The following HEXA variants were observed in gnomAD, a reference collection of about 807,000 sequenced individuals.
HEXA encodes the protein hexosaminidase subunit alpha, also known as beta-hexosaminidase subunit alpha.
In HEXA, 54 loss-of-function variants were observed where a neutral mutation model predicts 73.3. The ratio of observed to expected loss-of-function variants is 0.74; its 90% CI spans 0.59 to 0.92. The LOEUF is 0.92. Ranked by LOEUF, HEXA falls within the 40% of genes least tolerant of loss-of-function variation. The pLI is 0.00. For missense variants in HEXA, 649 were observed against 653.0 expected, an observed-to-expected ratio of 0.99 and a Z score of 0.07; for synonymous variants, 230 against 246.9, an observed-to-expected ratio of 0.93 and a Z score of 0.64.
At chr15:72,359,736 T>C (rs1464101760) in intron 1 of HEXA, 2 of 131,662 alleles carry the variant, frequency 1.5e-5, no homozygotes, top group Non-Finnish European at 3.3e-5. Context: ...TACATACTGG[T>C]TAAAAAAAAA....
At position 72,343,493 on chromosome 15, in the gene HEXA, G is replaced by A. The variant is rs1234162868; in HGVS notation, c.*584C>T. The A allele has an allele frequency of 6.5e-6, 1 of 153,512 alleles. No homozygotes were observed. Among genetic ancestry groups the A allele is most frequent in the Non-Finnish European group, 1.5e-5 (1 of 68,928 alleles). 9.5% of individuals were successfully genotyped at this position (153,512 alleles called of 1,614,324 possible). A position where few individuals can be genotyped will look rare whatever the true frequency, so the allele number is the denominator to read the frequency against. Reference sequence around the variant, plus strand: ...ATAATGGTTGTATAAAATTGAAGCAGCAAGAAACCCAAAGGAGAATAGCTC... The same window carrying A: ...ATAATGGTTGTATAAAATTGAAGCAACAAGAAACCCAAAGGAGAATAGCTC... On this transcript the variant is annotated 3_prime_UTR_variant, in exon 14 of 14. Transcript: ENST00000268097.
At chr15:72,353,045 A>G in intron 5 of HEXA, 23 bp downstream of exon 5, 1 of 1,383,240 alleles carries the variant, frequency 7.2e-7, no homozygotes, top group African/African-American at 1.4e-5. Context: ...TTAAGTGTGA[A>G]GAAGGCCTTA....
chr15:72,345,788 G>A (rs748106540), intron 12 of HEXA: 12 of 585,484 alleles, frequency 2.0e-5, no homozygotes, highest in Non-Finnish European at 3.6e-5. Context: ...TCAAAGATAT[G>A]GGAATAAGAA....
In HEXA at chr15:72,343,621, A is replaced by G. The variant is rs1364882211; in HGVS notation, c.*456T>C. On this transcript the variant is annotated 3_prime_UTR_variant, in exon 14 of 14. Coordinates refer to ENST00000268097, the MANE Select transcript of HEXA (RefSeq NM_000520.6). ...GTCCAGAACACCTCCAAGCCCCTAC[A>G]TCTTTTTCCATATACCAACGCCTTG... 1.4e-5 allele frequency: 3 copies of G among 217,268 alleles called. No individual in the cohort carries two copies. Among genetic ancestry groups the G allele is most frequent in the African/African-American group, 2.3e-5 (1 of 44,024 alleles). The allele number at this position is 217,268 out of a possible 1,614,324, so 13.5% of individuals were successfully genotyped here.
chr15:72,351,048 TGA>T (rs1346668647), intron 6 of HEXA, 83 bp downstream of exon 6: 1 of 890,916 alleles, frequency 1.1e-6, no homozygotes. Context: ...CTGGTTAGGA[TGA>T]GAGACCCTGT....
chr15:72,353,820 G>A (rs766211969), intron 3 of HEXA, 83 bp from the exon 4 acceptor site: 12 of 1,017,170 alleles, frequency 1.2e-5, no homozygotes, highest in Non-Finnish European at 1.6e-5. Flanking sequence ...CAATGTAGCA[G>A]AGCATAACAT....
intron 8 of HEXA, among the ~76,000 whole-genome samples, chr15:72,348,497 C>T (rs1355974903): frequency 6.6e-6 from 1 of 152,238 alleles, no homozygotes; most frequent in Non-Finnish European, 1.5e-5. Flanking sequence ...ACAAGCCTTG[C>T]TGTCTAACAC....
At chr15:72,372,585 T>C (rs992001444) in intron 1 of HEXA, among the ~76,000 whole-genome samples, 3 of 152,148 alleles carry the variant, frequency 2.0e-5, no homozygotes, top group Non-Finnish European at 4.4e-5. Context: ...ATCTAGTTCC[T>C]AAAATAAGTC....
Position 72,343,939 on chromosome 15 carries a change from G to GC in HEXA, c.*137dup, listed in dbSNP as rs1283854604. ...TTATTGAATGCGAGCGCCAGCACCG[G>GC]CCCCTTTCTCTCCAAGCACAGGGGC... On this transcript the variant is annotated 3_prime_UTR_variant, in exon 14 of 14. Coordinates refer to ENST00000268097, the MANE Select transcript of HEXA (RefSeq NM_000520.6). 4 of 719,646 alleles carry GC rather than the reference G, an allele frequency of 5.6e-6. No homozygotes were observed. In the East Asian group the frequency reaches 1.1e-4, roughly 19 times the overall value. 44.6% of individuals were successfully genotyped at this position (719,646 alleles called of 1,614,324 possible).
chr15:72,366,840 C>T (rs1293553340), intron 1 of HEXA, among the ~76,000 whole-genome samples: 1 of 152,200 alleles, frequency 6.6e-6, no homozygotes, highest in Non-Finnish European at 1.5e-5. Context: ...TCTAGTACTA[C>T]ATAGCTAACT....
rs957471664 is a variant in HEXA at position 72,343,754 on chromosome 15, G to T, written c.*323C>A. On this transcript the variant is annotated 3_prime_UTR_variant, in exon 14 of 14. Transcript: ENST00000268097. ...CATAGCTCACAGGCAAGGCAGAACA[G>T]CACAAAGGCTATAGGTTTCATTCCC... is the stretch of plus-strand genomic sequence containing the variant. The T allele has an allele frequency of 5.4e-6, 2 of 370,808 alleles. No individual in the cohort carries two copies. Among genetic ancestry groups the T allele is most frequent in the African/African-American group, 4.2e-5 (2 of 47,434 alleles). The allele number at this position is 370,808 out of a possible 1,614,324, so 23.0% of individuals were successfully genotyped here.
At chr15:72,346,071 G>T (rs2088608568) in intron 12 of HEXA, 164 bp downstream of exon 12, 1 of 656,556 alleles carries the variant, frequency 1.5e-6, no homozygotes, top group Non-Finnish European at 2.8e-6. Context: ...CATGTGGAGA[G>T]TGAATATTGC....
chr15:72,371,203 G>T (rs189171139), intron 1 of HEXA, among the ~76,000 whole-genome samples: 1 of 152,144 alleles, frequency 6.6e-6, no homozygotes. Context: ...AGAGCAGCAC[G>T]AGTTGGGATC....
Position 72,347,997 on chromosome 15 carries a change from C to T in HEXA, c.1073+51G>A, listed in dbSNP as rs545676277. 2.6e-4 allele frequency: 335 copies of T among 1,287,616 alleles called. No individual in the cohort carries two copies. Among genetic ancestry groups the T allele is most frequent in the Non-Finnish European group, 3.6e-4 (323 of 886,150 alleles). The allele number at this position is 1,287,616 out of a possible 1,614,324, so 79.8% of individuals were successfully genotyped here. A position where few individuals can be genotyped will look rare whatever the true frequency, so the allele number is the denominator to read the frequency against. On this transcript the variant is annotated intron_variant, in intron 9 of 13. Coordinates refer to ENST00000268097, the MANE Select transcript of HEXA (RefSeq NM_000520.6). ...CCTGACTCGGTATGGAAAGGGAGGACCCCACAGGAGGACCCCCAAGGGACC... is the reference window on the plus strand; with the variant it reads ...CCTGACTCGGTATGGAAAGGGAGGATCCCACAGGAGGACCCCCAAGGGACC...
At chr15:72,358,510 C>T (rs1441251751) in intron 1 of HEXA, 1 of 152,198 alleles carries the variant, frequency 6.6e-6, no homozygotes, top group Non-Finnish European at 1.5e-5. Flanking sequence ...GCACTGTACT[C>T]CCTAAATCTG....
At chr15:72,358,438 G>A (rs1355511141) in intron 1 of HEXA, 1 of 151,936 alleles carries the variant, frequency 6.6e-6, no homozygotes, top group Non-Finnish European at 1.5e-5. Flanking sequence ...ACTATTACTT[G>A]GAAGACAGAA....
intron 1 of HEXA, among the ~76,000 whole-genome samples, chr15:72,367,948 A>C (rs2088939236): frequency 6.6e-6 from 1 of 151,410 alleles, no homozygotes; most frequent in Non-Finnish European, 1.5e-5. Context: ...CTGCACTCCC[A>C]AAGTACCTTG....
chr15:72,363,663 T>C (rs1468207710), intron 1 of HEXA, among the ~76,000 whole-genome samples: 1 of 152,198 alleles, frequency 6.6e-6, no homozygotes, highest in African/African-American at 2.4e-5. Flanking sequence ...TATTAATACC[T>C]ACTTGGAAGT....
At chr15:72,359,848 T>C (rs117424290) in intron 1 of HEXA, 1 of 152,000 alleles carries the variant, frequency 6.6e-6, no homozygotes, top group Non-Finnish European at 1.5e-5. Context: ...CAAACATCAC[T>C]GGTAGTTTTC....
Sources: allele counts gnomAD v4.1 joint callset (sites outside exome capture counted in the v4.1 genomes callset), GRCh38; gene constraint gnomAD v4.1.1; transcripts MANE v1.5; gene names NCBI Gene and HGNC (gene_info 2026-07-23, HGNC 2026-07-21).